Variants in CAPN7 observed in about 807,000 individuals in gnomAD.
The protein encoded by CAPN7 is calpain 7.
CAPN7 carries 72 observed loss-of-function variants against 115.2 expected under a neutral mutation model. The observed-to-expected ratio is 0.63, with a 90% CI of 0.52 to 0.76. The LOEUF is 0.76. CAPN7 is among the 30% of genes least tolerant of loss of function. The pLI is 0.00. For synonymous variants in CAPN7, 344 were observed against 322.3 expected, an observed-to-expected ratio of 1.07 and a Z score of -0.72; for missense variants, 905 against 971.5, an observed-to-expected ratio of 0.93 and a Z score of 0.91.
intron 5 of CAPN7, among the ~76,000 whole-genome samples, chr3:15,221,676 A>C (rs1693998703): frequency 1.3e-5 from 2 of 152,052 alleles, no homozygotes; most frequent in Admixed American, 1.3e-4. Flanking sequence ...TTACTTTGAA[A>C]TAGGAGTGTA....
chr3:15,246,437 T>G (rs1695662922), intron 17 of CAPN7: 2 of 329,868 alleles, frequency 6.1e-6, no homozygotes, highest in Admixed American at 9.6e-5. Context: ...TTGAATAGAT[T>G]TTTAGTGATG....
At chr3:15,248,830 A>T (rs1267639484) in intron 19 of CAPN7, among the ~76,000 whole-genome samples, 1 of 151,874 alleles carries the variant, frequency 6.6e-6, no homozygotes, top group African/African-American at 2.4e-5. Context: ...CTCTGCAAAA[A>T]TTTTTTTAAA....
intron 12 of CAPN7, among the ~76,000 whole-genome samples, chr3:15,238,902 T>G (rs1196990066): frequency 6.7e-6 from 1 of 148,358 alleles, no homozygotes; most frequent in Non-Finnish European, 1.5e-5. Flanking sequence ...TTTTTAGAGC[T>G]GGTTCTCTAC....
chr3:15,240,678 A>T, intron 13 of CAPN7, 61 bp downstream of exon 13: 1 of 1,544,484 alleles, frequency 6.5e-7, no homozygotes, highest in South Asian at 1.2e-5. Flanking sequence ...TGTTTTAACA[A>T]GACAAAACAT....
intron 17 of CAPN7, chr3:15,245,888 A>G: frequency 6.6e-6 from 3 of 457,338 alleles, no homozygotes; most frequent in Admixed American, 4.0e-5. Flanking sequence ...TTTTATTTTC[A>G]TAGTAATAGT....
rs2044636460 is a variant in CAPN7 at position 15,206,596 on chromosome 3, A to C, written c.101A>C (p.Lys34Thr). The change falls in exon 1 of 21, where the codon AAG becomes ACG. Residue 34 changes from lysine to threonine, a missense_variant and splice_region_variant. Physicochemically the swap from Lys to Thr is moderately conservative, Grantham distance 78. Transcript: ENST00000253693. ...GRYSEAVFYY[K>T]EAAQALIYAE... Reference sequence around the variant, plus strand: ...TACTCCGAGGCGGTGTTTTATTACAAGGTAGGGCCGGGCCCGGCGCTTCGG... The same window carrying C: ...TACTCCGAGGCGGTGTTTTATTACACGGTAGGGCCGGGCCCGGCGCTTCGG... 6 of 1,544,720 alleles carry C rather than the reference A, an allele frequency of 3.9e-6. No individual in the cohort carries two copies. The highest frequency in any genetic ancestry group is 5.2e-6 in the Non-Finnish European group (6 of 1,144,254).
At chr3:15,228,567 G>C (rs1331159941) in intron 7 of CAPN7, among the ~76,000 whole-genome samples, 1 of 152,182 alleles carries the variant, frequency 6.6e-6, no homozygotes, top group Admixed American at 6.5e-5. Context: ...TAGGAACATG[G>C]ATGGAGCTGG....
At chr3:15,242,428 A>G (rs1695404334) in intron 16 of CAPN7, among the ~76,000 whole-genome samples, 175 bp downstream of exon 16, 1 of 152,118 alleles carries the variant, frequency 6.6e-6, no homozygotes, top group Non-Finnish European at 1.5e-5. Context: ...TTTTGTTTTG[A>G]TTTGTTTTAA....
chr3:15,218,982 C>A (rs912866880), intron 4 of CAPN7, among the ~76,000 whole-genome samples: 4 of 152,180 alleles, frequency 2.6e-5, no homozygotes, highest in Non-Finnish European at 4.4e-5. Context: ...CCTGCCCTAA[C>A]CATTGTTTAA....
intron 4 of CAPN7, among the ~76,000 whole-genome samples, chr3:15,219,261 C>T (rs533857669): frequency 1.1e-4 from 17 of 152,044 alleles, no homozygotes; most frequent in Non-Finnish European, 2.1e-4. Context: ...TTTGCATAAG[C>T]GAATTATATA....
intron 2 of CAPN7, among the ~76,000 whole-genome samples, chr3:15,215,957 A>G (rs1480576269): frequency 6.6e-6 from 1 of 152,116 alleles, no homozygotes; most frequent in Non-Finnish European, 1.5e-5. Context: ...GTGATGGTGC[A>G]CACATGTAGT....
chr3:15,212,730 A>T (rs2045025653), intron 2 of CAPN7, among the ~76,000 whole-genome samples: 1 of 152,228 alleles, frequency 6.6e-6, no homozygotes, highest in Non-Finnish European at 1.5e-5. Context: ...TAAACAGCAC[A>T]ACAGGTACAA....
At chr3:15,229,573 T>TTC (rs1694554138) in intron 8 of CAPN7, among the ~76,000 whole-genome samples, 6 of 136,908 alleles carry the variant, frequency 4.4e-5, no homozygotes, top group African/African-American at 1.7e-4. Flanking sequence ...TTTTTTTTTT[T>TTC]TTTTTTTTTT....
chr3:15,245,776 T>C, intron 17 of CAPN7, 105 bp downstream of exon 17: 1 of 839,582 alleles, frequency 1.2e-6, no homozygotes, highest in Non-Finnish European at 1.7e-6. Context: ...TTTCTGAAAA[T>C]GTATTGCTCT....
chr3:15,242,293 A>C, intron 16 of CAPN7, 40 bp downstream of exon 16: 1 of 1,206,190 alleles, frequency 8.3e-7, no homozygotes, highest in Non-Finnish European at 1.2e-6. Context: ...ATAAACATAC[A>C]TAAGATTTTA....
intron 1 of CAPN7, among the ~76,000 whole-genome samples, chr3:15,211,372 CAT>C (rs1294150354): frequency 2.6e-5 from 4 of 152,222 alleles, no homozygotes; most frequent in East Asian, 3.9e-4. Flanking sequence ...GAAAACGAAA[CAT>C]GTAAACTGCA....
intron 11 of CAPN7, among the ~76,000 whole-genome samples, 179 bp from the exon 12 acceptor site, chr3:15,234,844 AAG>A (rs112560619): frequency 6.6e-6 from 1 of 151,996 alleles, no homozygotes; most frequent in African/African-American, 2.4e-5. Context: ...AACTTAAAAA[AAG>A]AGAAATGTGA....
At position 15,240,259 on chromosome 3, in the gene CAPN7, C is replaced by T. The variant is rs138406937; in HGVS notation, c.1408-214C>T. On this transcript the variant is annotated intron_variant, in intron 12 of 20. Transcript: ENST00000253693. ...TATATAATTTTAACTTAACTACATG[C>T]GGTGAAAGACTGCACTATTAGCTCT... is the stretch of plus-strand genomic sequence containing the variant. 3.6e-3 allele frequency among the ~76,000 whole-genome samples: 554 copies of T among 152,258 alleles called. 2 individuals are homozygous for T. Among genetic ancestry groups the T allele is most frequent in the African/African-American group, 0.012 (495 of 41,546 alleles).
chr3:15,230,582 C>T, intron 9 of CAPN7, 47 bp downstream of exon 9: 1 of 1,105,218 alleles, frequency 9.0e-7, no homozygotes, highest in South Asian at 1.3e-5. Flanking sequence ...CTCTCCGTTC[C>T]CTACCTTTGA....
Sources: gnomAD v4.1 joint callset for allele counts (sites outside exome capture counted in the v4.1 genomes callset) on GRCh38, gnomAD v4.1.1 for gene constraint, MANE v1.5 for transcripts, NCBI Gene and HGNC (gene_info 2026-07-23, HGNC 2026-07-21) for gene names.